Variants in CCDC141 observed in about 807,000 individuals in gnomAD.
CCDC141 encodes coiled-coil domain containing 141.
In CCDC141, 168 loss-of-function variants were observed where a neutral mutation model predicts 181.0. The observed-to-expected ratio is 0.93, with a 90% CI of 0.82 to 1.05. The LOEUF (loss-of-function observed/expected upper bound fraction) is 1.05, where lower values mean the gene tolerates loss of function less well. Ranked by LOEUF, CCDC141 falls within the 50% of genes least tolerant of loss-of-function variation. CCDC141 has a pLI of 0.00. For missense variants in CCDC141, 1,902 were observed against 1,788.5 expected (o/e 1.06, Z -1.14); for synonymous variants, 666 against 642.3 (o/e 1.04, Z -0.56).
intron 2 of CCDC141, among the ~76,000 whole-genome samples, chr2:179,027,133 G>A (rs1167452594): frequency 1.3e-5 from 2 of 152,136 alleles, no homozygotes; most frequent in Non-Finnish European, 2.9e-5. Context: ...AGGCATGATT[G>A]GTTTTGAAAT....
At chr2:178,961,793 C>T (rs1231078925) in intron 4 of CCDC141, among the ~76,000 whole-genome samples, 1 of 152,094 alleles carries the variant, frequency 6.6e-6, no homozygotes, top group Non-Finnish European at 1.5e-5. Flanking sequence ...CAGTTTTCAG[C>T]GGTATGATGC....
chr2:178,841,966 T>G (rs1432392430), intron 22 of CCDC141, among the ~76,000 whole-genome samples: 1 of 152,226 alleles, frequency 6.6e-6, no homozygotes, highest in African/African-American at 2.4e-5. Context: ...TGAGCTATAT[T>G]TTCTAGAACT....
chr2:178,871,319 T>TA (rs1686111232), intron 14 of CCDC141, 108 bp downstream of exon 14: 2 of 1,312,164 alleles, frequency 1.5e-6, no homozygotes, highest in Non-Finnish European at 2.1e-6. Flanking sequence ...TACTTTTGTT[T>TA]AAAAAAATAG....
chr2:178,920,371 T>G (rs983049698), intron 6 of CCDC141, among the ~76,000 whole-genome samples: 4 of 152,212 alleles, frequency 2.6e-5, no homozygotes, highest in Admixed American at 6.5e-5. Flanking sequence ...AAGTAACTAC[T>G]ATGGTACTAC....
At chr2:178,949,310 T>C (rs1689855711) in intron 5 of CCDC141, among the ~76,000 whole-genome samples, 1 of 152,196 alleles carries the variant, frequency 6.6e-6, no homozygotes, top group Admixed American at 6.5e-5. Flanking sequence ...TTAGGCAGGT[T>C]ACAACATAAT....
At chr2:178,878,197 A>G in intron 11 of CCDC141, 54 bp from the exon 12 acceptor site, 2 of 1,252,172 alleles carry the variant, frequency 1.6e-6, no homozygotes, top group Non-Finnish European at 2.2e-6. Context: ...TTTAAAGAAA[A>G]AGAACAGTAG....
the CCDC141 span, among the ~76,000 whole-genome samples, chr2:178,820,222 T>C: frequency 2.6e-5 from 4 of 152,156 alleles, no homozygotes; most frequent in South Asian, 2.1e-4. Context: ...GTACTATTTT[T>C]ACTCTTCGTA....
intron 5 of CCDC141, among the ~76,000 whole-genome samples, chr2:178,952,285 C>T (rs930698404): frequency 8.5e-5 from 13 of 152,132 alleles, no homozygotes; most frequent in Non-Finnish European, 1.2e-4. Flanking sequence ...AGAAAGTGAC[C>T]ATCAAAGTAT....
rs75162638 is a variant in CCDC141, at chr2:178,887,412, A to G, written c.1408-541T>C. Reference sequence around the variant, plus strand: ...GACTATGATTTGATCCTCAGTGGACATGAGTCATTGACTAAAATGACCCTT... The same window carrying G: ...GACTATGATTTGATCCTCAGTGGACGTGAGTCATTGACTAAAATGACCCTT... On this transcript the variant is annotated intron_variant, in intron 9 of 23. Coordinates refer to ENST00000443758, the MANE Select transcript of CCDC141 (RefSeq NM_173648.4). 4.3e-3 allele frequency among the ~76,000 whole-genome samples: 662 copies of G among 152,326 alleles called. 7 individuals are homozygous for G. The highest frequency in any genetic ancestry group is 0.015 in the African/African-American group (637 of 41,582).
chr2:178,941,745 G>C (rs753118591), intron 6 of CCDC141, among the ~76,000 whole-genome samples: 1 of 151,130 alleles, frequency 6.6e-6, no homozygotes, highest in Admixed American at 6.6e-5. Flanking sequence ...TTGAGGCCAG[G>C]AGTTCATAAC....
At chr2:178,984,401 C>T (rs1363746318) in intron 2 of CCDC141, among the ~76,000 whole-genome samples, 1 of 151,772 alleles carries the variant, frequency 6.6e-6, no homozygotes, top group Non-Finnish European at 1.5e-5. Flanking sequence ...GAAGAAACTG[C>T]ATCAACTAAC....
At chr2:178,926,717 G>A (rs1004315718) in intron 6 of CCDC141, 5 of 152,168 alleles carry the variant, frequency 3.3e-5, no homozygotes, top group Admixed American at 1.3e-4. Flanking sequence ...TAAAGAACAA[G>A]TTCTAATGTT....
At chr2:178,989,604 A>AT (rs1223000756) in intron 2 of CCDC141, among the ~76,000 whole-genome samples, 71 of 110,728 alleles carry the variant, frequency 6.4e-4, no homozygotes, top group African/African-American at 1.5e-3. Flanking sequence ...AAAAAAAAAA[A>AT]AAAATAAATA....
At chr2:179,037,183 C>G (rs1448233027) in intron 2 of CCDC141, among the ~76,000 whole-genome samples, 1 of 152,168 alleles carries the variant, frequency 6.6e-6, no homozygotes. Flanking sequence ...TGGAAAGAGC[C>G]CTTGAGGCTT....
At chr2:179,033,885 G>C (rs1405497822) in intron 2 of CCDC141, among the ~76,000 whole-genome samples, 2 of 152,042 alleles carry the variant, frequency 1.3e-5, no homozygotes, top group African/African-American at 4.8e-5. Flanking sequence ...ACCAACACTG[G>C]CTTAAACTTC....
rs755776181 is a variant in CCDC141 at position 178,924,389 on chromosome 2, C to T, written c.898-5482G>A. Among the ~76,000 whole-genome samples the T allele has an allele frequency of 5.9e-5, 9 of 152,256 alleles. No homozygotes were observed. The South Asian group carries it at 6.2e-4, about 11-fold the overall frequency. On this transcript the variant is annotated intron_variant, in intron 6 of 23. Coordinates refer to ENST00000443758, the MANE Select transcript of CCDC141 (RefSeq NM_173648.4). Reference sequence around the variant, plus strand: ...CCATTCAGAACAACTAGAATTAACTCATTGACACAAAATCATAGAATTTTA... The same window carrying T: ...CCATTCAGAACAACTAGAATTAACTTATTGACACAAAATCATAGAATTTTA...
chr2:179,028,153 C>T (rs571567107), intron 2 of CCDC141, among the ~76,000 whole-genome samples: 1 of 152,304 alleles, frequency 6.6e-6, no homozygotes, highest in South Asian at 2.1e-4. Context: ...GTAACTCCAC[C>T]TTGCCTTACA....
intron 6 of CCDC141, among the ~76,000 whole-genome samples, chr2:178,935,334 C>T (rs1375207539): frequency 6.6e-6 from 1 of 152,132 alleles, no homozygotes; most frequent in East Asian, 1.9e-4. Flanking sequence ...TTCATAAGTG[C>T]TCATGATTTG....
intron 2 of CCDC141, among the ~76,000 whole-genome samples, chr2:179,001,119 T>A (rs2134739): frequency 6.6e-6 from 1 of 152,022 alleles, no homozygotes; most frequent in African/African-American, 2.4e-5. Context: ...TGAGAAAATA[T>A]GAAAAAAGTC....
Sources: gnomAD v4.1 joint callset for allele counts (sites outside exome capture counted in the v4.1 genomes callset) on GRCh38, gnomAD v4.1.1 for gene constraint, MANE v1.5 for transcripts, NCBI Gene and HGNC (gene_info 2026-07-23, HGNC 2026-07-21) for gene names.